JAK2: variants seen among roughly 807,000 people sequenced by gnomAD.
The protein encoded by JAK2 is Janus kinase 2.
Under a neutral mutation model 139.3 loss-of-function variants are expected in JAK2, and 86 were observed. The observed-to-expected ratio is 0.62, with a 90% CI of 0.52 to 0.74. The LOEUF is 0.74. Ranked by LOEUF, JAK2 falls within the 30% of genes least tolerant of loss-of-function variation. The pLI is 0.00. For missense variants in JAK2, 1,421 were observed against 1,360.3 expected, an observed-to-expected ratio of 1.04 and a Z score of -0.70; for synonymous variants, 490 against 437.7, an observed-to-expected ratio of 1.12 and a Z score of -1.49.
At chr9:5,102,791 A>G (rs1306434074) in intron 22 of JAK2, among the ~76,000 whole-genome samples, 1 of 152,190 alleles carries the variant, frequency 6.6e-6, no homozygotes, top group Admixed American at 6.5e-5. Flanking sequence ...ATCCAGCCAC[A>G]CTAAGCTTCA....
chr9:5,015,335 TC>T (rs1201369559), intron 2 of JAK2, among the ~76,000 whole-genome samples: 4 of 152,314 alleles, frequency 2.6e-5, no homozygotes, highest in Non-Finnish European at 4.4e-5. Flanking sequence ...TGCCTGGGTA[TC>T]CTAAAAACCT....
chr9:5,034,259 C>A (rs893099047), intron 4 of JAK2, among the ~76,000 whole-genome samples: 12 of 152,094 alleles, frequency 7.9e-5, no homozygotes, highest in African/African-American at 2.9e-4. Context: ...TAGAGACCTA[C>A]AAAGAGACTT....
intron 8 of JAK2, among the ~76,000 whole-genome samples, chr9:5,056,347 C>T (rs1215565777): frequency 6.6e-6 from 1 of 151,960 alleles, no homozygotes; most frequent in Non-Finnish European, 1.5e-5. Context: ...TTATACTTTG[C>T]TCTTAAGTTT....
At chr9:5,005,160 G>T (rs1205390126) in intron 2 of JAK2, among the ~76,000 whole-genome samples, 1 of 126,000 alleles carries the variant, frequency 7.9e-6, no homozygotes, top group Non-Finnish European at 1.6e-5. Flanking sequence ...GTGTTGCCCA[G>T]GCTGGTCTTG....
At chr9:5,109,718 A>G (rs1049719718) in intron 22 of JAK2, 8 of 152,140 alleles carry the variant, frequency 5.3e-5, no homozygotes, top group Admixed American at 4.6e-4. Context: ...AACTCTCACT[A>G]AGCTTTAGAC....
At chr9:5,096,057 CCCAA>C (rs1441325266) in intron 22 of JAK2, among the ~76,000 whole-genome samples, 1 of 152,058 alleles carries the variant, frequency 6.6e-6, no homozygotes, top group Non-Finnish European at 1.5e-5. Context: ...GTCTTATTAC[CCCAA>C]CCATTATAGC....
At chr9:5,073,317 C>G (rs539603758) in intron 13 of JAK2, among the ~76,000 whole-genome samples, 2 of 152,288 alleles carry the variant, frequency 1.3e-5, no homozygotes, top group East Asian at 3.9e-4. Flanking sequence ...ATTCTTAATT[C>G]TTTAGCAAGT....
In JAK2 at chr9:5,054,041, TG is replaced by T. The variant is rs1433457842; in HGVS notation, c.615-521del. Among the ~76,000 whole-genome samples the T allele has an allele frequency of 6.6e-6, 1 of 152,028 alleles. No homozygotes were observed. The highest frequency in any genetic ancestry group is 2.4e-5 in the African/African-American group (1 of 41,418). Reference sequence around the variant, plus strand: ...AGAATATTTCTAAATGGAATTGTTTTGATCACAAAGGAATTATTAGGAGTTG... The same window carrying T: ...AGAATATTTCTAAATGGAATTGTTTTATCACAAAGGAATTATTAGGAGTTG... On this transcript the variant is annotated intron_variant, in intron 6 of 24. Coordinates refer to ENST00000381652, the MANE Select transcript of JAK2 (RefSeq NM_004972.4). This position sits in a 1 kb window ranked among gnomAD's most constrained non-coding sequence, Gnocchi z 4.9.
At chr9:5,059,042 A>T (rs1586718836) in intron 8 of JAK2, among the ~76,000 whole-genome samples, 2 of 152,234 alleles carry the variant, frequency 1.3e-5, no homozygotes, top group Admixed American at 1.3e-4. Flanking sequence ...TAGCTAGTTC[A>T]ACTTTTGTTG....
chr9:5,089,515 G>A (rs1245592616), intron 19 of JAK2, among the ~76,000 whole-genome samples, 159 bp from the exon 20 acceptor site: 2 of 134,410 alleles, frequency 1.5e-5, no homozygotes, highest in Non-Finnish European at 1.5e-5. Context: ...TCCAACCTGG[G>A]TGACAGAGCG....
intron 22 of JAK2, among the ~76,000 whole-genome samples, chr9:5,104,464 C>T (rs563724180): frequency 1.3e-4 from 20 of 152,280 alleles, no homozygotes; most frequent in African/African-American, 4.3e-4. Context: ...GACTCACAGC[C>T]GAATTCTCCT....
At chr9:5,030,667 T>C (rs1045074428) in intron 4 of JAK2, among the ~76,000 whole-genome samples, 6 of 152,234 alleles carry the variant, frequency 3.9e-5, no homozygotes, top group Admixed American at 2.0e-4. Context: ...AATCACCTCA[T>C]GTGTACTTCA....
At chr9:5,041,431 C>G (rs1816501157) in intron 4 of JAK2, 1 of 626,788 alleles carries the variant, frequency 1.6e-6, no homozygotes, top group Non-Finnish European at 3.0e-6. Flanking sequence ...TGTTCATGTA[C>G]TTCCTGTGCA....
chr9:5,125,742 T>A (rs866477451), intron 23 of JAK2, among the ~76,000 whole-genome samples: 59 of 151,708 alleles, frequency 3.9e-4, no homozygotes, highest in African/African-American at 1.3e-3. Context: ...CTTAATGTGG[T>A]TGACTATATA....
At chr9:5,041,685 C>T (rs1816535902) in intron 4 of JAK2, 1 of 511,158 alleles carries the variant, frequency 2.0e-6, no homozygotes. Flanking sequence ...CCTCTTCGAC[C>T]GAAGCGGCTT....
At chr9:5,033,794 T>C (rs1263170070) in intron 4 of JAK2, among the ~76,000 whole-genome samples, 1 of 152,046 alleles carries the variant, frequency 6.6e-6, no homozygotes, top group African/African-American at 2.4e-5. Flanking sequence ...ACACGCCAAA[T>C]TGTAAAGACC....
chr9:5,013,375 TA>T (rs1246170006), intron 2 of JAK2, among the ~76,000 whole-genome samples: 2 of 152,220 alleles, frequency 1.3e-5, no homozygotes, highest in African/African-American at 4.8e-5. Context: ...CTAAAGAAAG[TA>T]AATCAAAATG....
In JAK2 at chr9:5,086,346, C is replaced by A. The variant is rs538730340; in HGVS notation, c.2572-3328C>A. 5.9e-5 allele frequency among the ~76,000 whole-genome samples: 9 copies of A among 152,130 alleles called. No individual in the cohort carries two copies. The South Asian group carries it at 1.4e-3, about 25-fold the overall frequency. On this transcript the variant is annotated intron_variant, in intron 19 of 24. Coordinates refer to ENST00000381652, the MANE Select transcript of JAK2 (RefSeq NM_004972.4). ...CTTTACCTTCTCGCTTCACTCCTAGCGGTTTTGAAATCCTCTTTATTCCTT... is the reference window on the plus strand; with the variant it reads ...CTTTACCTTCTCGCTTCACTCCTAGAGGTTTTGAAATCCTCTTTATTCCTT...
intron 2 of JAK2, among the ~76,000 whole-genome samples, chr9:4,993,816 G>A (rs746800956): frequency 1.3e-5 from 2 of 152,238 alleles, no homozygotes; most frequent in Non-Finnish European, 2.9e-5. Flanking sequence ...CCTGGCTGGG[G>A]CCACTGTTTG....
Sources: gnomAD v4.1 joint callset for allele counts (sites outside exome capture counted in the v4.1 genomes callset) on GRCh38, gnomAD v4.1.1 for gene constraint, Gnocchi (gnomAD v3.1) non-coding constraint, MANE v1.5 for transcripts, NCBI Gene and HGNC (gene_info 2026-07-23, HGNC 2026-07-21) for gene names.